The following USPL1 variants were observed in gnomAD, a reference collection of about 807,000 sequenced individuals.
USPL1 encodes the protein ubiquitin specific peptidase like 1.
In USPL1, 27 loss-of-function variants were observed where a neutral mutation model predicts 51.5. The ratio of observed to expected loss-of-function variants is 0.52; its 90% CI spans 0.39 to 0.72. USPL1 has a LOEUF of 0.72. Among genes scored for constraint, USPL1 ranks in the 30% least tolerant of loss-of-function variants. USPL1 has a pLI of 0.00. For synonymous variants in USPL1, 451 were observed against 459.6 expected (o/e 0.98, Z 0.24); for missense variants, 1,226 against 1,268.0 (o/e 0.97, Z 0.50).
At chr13:30,631,558 T>A in intron 4 of USPL1, 84 bp downstream of exon 4, 1 of 1,343,518 alleles carries the variant, frequency 7.4e-7, no homozygotes, top group Non-Finnish European at 1.0e-6. Flanking sequence ...TGGAGTGCAG[T>A]GGCATGATCA....
intron 8 of USPL1, among the ~76,000 whole-genome samples, chr13:30,656,362 C>T (rs972371485): frequency 5.9e-5 from 9 of 152,304 alleles, no homozygotes; most frequent in South Asian, 4.1e-4. Context: ...ACAATAACTC[C>T]GCATCCTTCC....
chr13:30,630,139 C>A (rs1393328399), intron 3 of USPL1, among the ~76,000 whole-genome samples: 2 of 151,914 alleles, frequency 1.3e-5, no homozygotes, highest in Non-Finnish European at 2.9e-5. Context: ...GCCATGCCCA[C>A]CTGAAAAAGA....
chr13:30,632,326 T>C (rs1209318803), intron 4 of USPL1, among the ~76,000 whole-genome samples: 1 of 152,034 alleles, frequency 6.6e-6, no homozygotes, highest in Non-Finnish European at 1.5e-5. Context: ...TAGTATTCTA[T>C]GGTGTATATG....
At chr13:30,634,333 C>T (rs186693157) in intron 4 of USPL1, among the ~76,000 whole-genome samples, 1 of 152,302 alleles carries the variant, frequency 6.6e-6, no homozygotes, top group Admixed American at 6.5e-5. Flanking sequence ...CATGATGCTA[C>T]TCAGAATGGC....
intron 3 of USPL1, among the ~76,000 whole-genome samples, chr13:30,625,841 CAT>C (rs1208519787): frequency 6.6e-6 from 1 of 152,116 alleles, no homozygotes; most frequent in Non-Finnish European, 1.5e-5. Flanking sequence ...TAAAAAGGAA[CAT>C]GAGTAATTTA....
chr13:30,648,365 TG>T (rs1156369954), intron 7 of USPL1, among the ~76,000 whole-genome samples: 2 of 152,192 alleles, frequency 1.3e-5, no homozygotes, highest in African/African-American at 4.8e-5. Context: ...AACTCTTTCC[TG>T]CCACCTTTCA....
At chr13:30,624,323 A>T (rs960442196) in intron 3 of USPL1, among the ~76,000 whole-genome samples, 1 of 152,166 alleles carries the variant, frequency 6.6e-6, no homozygotes, top group Non-Finnish European at 1.5e-5. Flanking sequence ...AAGAAAAAAA[A>T]ATCCTGACTG....
At chr13:30,653,063 T>G (rs560535444) in intron 7 of USPL1, 85 bp from the exon 8 acceptor site, 2 of 1,344,036 alleles carry the variant, frequency 1.5e-6, no homozygotes, top group Non-Finnish European at 2.0e-6. Flanking sequence ...GTGTTATGTG[T>G]GACTAGTTCA....
chr13:30,660,205 A>G lies in USPL1; in HGVS notation c.*849A>G, dbSNP rs1177733996. 1 of 152,246 alleles carries G rather than the reference A, an allele frequency of 6.6e-6. No homozygotes were observed. Among genetic ancestry groups the G allele is most frequent in the Non-Finnish European group, 1.5e-5 (1 of 68,118 alleles). 9.4% of individuals were successfully genotyped at this position (152,246 alleles called of 1,614,324 possible). ...ACGGGCCTCGGGGGAGGAAGTGCAT[A>G]CTTACTGGCCTGGAAAAGGCACCAG... On this transcript the variant is annotated 3_prime_UTR_variant, in exon 9 of 9. Coordinates refer to ENST00000255304, the MANE Select transcript of USPL1 (RefSeq NM_005800.5).
chr13:30,634,959 ATATT>A (rs1400803832), intron 4 of USPL1, among the ~76,000 whole-genome samples: 1 of 152,100 alleles, frequency 6.6e-6, no homozygotes, highest in Non-Finnish European at 1.5e-5. Flanking sequence ...CTATGTGTAT[ATATT>A]GCTCATATTT....
chr13:30,633,509 A>G (rs754821592), intron 4 of USPL1, among the ~76,000 whole-genome samples: 4 of 152,134 alleles, frequency 2.6e-5, no homozygotes, highest in African/African-American at 4.8e-5. Context: ...AGTGGCTCAC[A>G]TCTGTAATCC....
chr13:30,625,523 G>A (rs1040463993), intron 3 of USPL1, among the ~76,000 whole-genome samples: 1 of 138,626 alleles, frequency 7.2e-6, no homozygotes, highest in Non-Finnish European at 1.5e-5. Context: ...TCGGCTCACC[G>A]CAACCTCCGA....
At chr13:30,651,094 T>C (rs1951086402) in intron 7 of USPL1, among the ~76,000 whole-genome samples, 1 of 152,134 alleles carries the variant, frequency 6.6e-6, no homozygotes, top group Admixed American at 6.6e-5. Flanking sequence ...GCATTATGGC[T>C]CTGTTCTGCA....
At chr13:30,625,437 G>GT (rs200928956) in intron 3 of USPL1, among the ~76,000 whole-genome samples, 92 of 135,884 alleles carry the variant, frequency 6.8e-4, no homozygotes, top group African/African-American at 2.4e-3. Flanking sequence ...TTGGTTTTTT[G>GT]TTTTTTGTTT....
Position 30,657,810 on chromosome 13 carries a change from G to A in USPL1, c.1733G>A (p.Gly578Asp), listed in dbSNP as rs1951186187. 6.2e-7 allele frequency: 1 copy of A among 1,613,954 alleles called. No individual in the cohort carries two copies. The highest frequency in any genetic ancestry group is 8.5e-7 in the Non-Finnish European group (1 of 1,180,018). ...HGDHLLSGPK[G>D]LVDNILPLTL... ...GATCATTTACTTTCAGGTCCAAAAG[G>A]TTTGGTTGACAATATTTTACCTCTG... Residue 578 changes from glycine (G) to aspartate (D), a missense_variant, in exon 9 of 9, where the codon GGT becomes GAT. Coordinates refer to ENST00000255304, the MANE Select transcript of USPL1 (RefSeq NM_005800.5).
intron 7 of USPL1, among the ~76,000 whole-genome samples, chr13:30,651,342 G>A (rs1181629186): frequency 2.0e-5 from 3 of 152,206 alleles, no homozygotes; most frequent in Admixed American, 1.3e-4. Context: ...CTAGGGGAAT[G>A]TACTTGTACT....
intron 6 of USPL1, among the ~76,000 whole-genome samples, chr13:30,646,557 G>A (rs769381601): frequency 7.9e-5 from 12 of 152,154 alleles, no homozygotes; most frequent in Non-Finnish European, 1.6e-4. Context: ...GGGACATTTG[G>A]CAACATCTAC....
At chr13:30,654,359 CTCTT>C (rs1301954794) in intron 8 of USPL1, among the ~76,000 whole-genome samples, 3 of 152,064 alleles carry the variant, frequency 2.0e-5, no homozygotes, top group Admixed American at 6.5e-5. Context: ...CTCTCTCTCT[CTCTT>C]TCTCTCTCTC....
chr13:30,639,267 C>CGT (rs1323687704), intron 5 of USPL1, among the ~76,000 whole-genome samples: 1 of 149,712 alleles, frequency 6.7e-6, no homozygotes, highest in East Asian at 2.0e-4. Flanking sequence ...TGTGTATGTG[C>CGT]GTGTGTATAT....
Sources: allele counts gnomAD v4.1 joint callset (sites outside exome capture counted in the v4.1 genomes callset), GRCh38; gene constraint gnomAD v4.1.1; transcripts MANE v1.5; gene names NCBI Gene and HGNC (gene_info 2026-07-23, HGNC 2026-07-21).